CEP89: variants seen among roughly 807,000 people sequenced by gnomAD.
CEP89 encodes centrosomal protein of 89 kDa.
A neutral mutation model predicts 97.6 loss-of-function variants in CEP89; 95 were observed. The ratio of observed to expected loss-of-function variants is 0.97; its 90% confidence interval spans 0.82 to 1.15. The LOEUF (loss-of-function observed/expected upper bound fraction) is 1.15, where lower values mean the gene tolerates loss of function less well. Ranked by LOEUF, CEP89 falls within the 50% of genes most tolerant of loss-of-function variation. CEP89 has a pLI of 0.00. For missense variants in CEP89, 869 were observed against 947.7 expected, an observed-to-expected ratio of 0.92 and a Z score of 1.09; for synonymous variants, 354 against 349.1, an observed-to-expected ratio of 1.01 and a Z score of -0.16.
intron 16 of CEP89, among the ~76,000 whole-genome samples, chr19:32,891,195 C>A (rs1009339510): frequency 2.0e-5 from 3 of 152,238 alleles, no homozygotes; most frequent in East Asian, 1.9e-4. Flanking sequence ...CAGAGCCCTG[C>A]GCACGTGCAT....
chr19:32,940,023 C>CA (rs1409479148), intron 5 of CEP89, 138 bp from the exon 6 acceptor site: 1 of 510,470 alleles, frequency 2.0e-6, no homozygotes, highest in African/African-American at 2.0e-5. Context: ...TTCACAGGGT[C>CA]ACAGGGCAAG....
rs148507701 is a variant in CEP89 at position 32,971,372 on chromosome 19, C to T, written c.39+464G>A. On this transcript the variant is annotated intron_variant, in intron 1 of 18. Coordinates refer to ENST00000305768, the MANE Select transcript of CEP89 (RefSeq NM_032816.5). ...CAGGGTGCTCCTGTCCAACTGTGGC[C>T]GACCCTGGGGCAGAAGATTGTTAAC... 486 of 425,644 alleles carry T rather than the reference C, an allele frequency of 1.1e-3. 2 individuals carry two copies. Among genetic ancestry groups the T allele is most frequent in the African/African-American group, 9.2e-3 (454 of 49,388 alleles). 26.4% of individuals were successfully genotyped at this position (425,644 alleles called of 1,614,324 possible).
At chr19:32,888,881 C>T (rs1969455612) in intron 16 of CEP89, among the ~76,000 whole-genome samples, 1 of 151,942 alleles carries the variant, frequency 6.6e-6, no homozygotes, top group South Asian at 2.1e-4. Context: ...GCGATCTCAG[C>T]TCACTGCAAC....
rs954105744 is a variant in CEP89 at position 32,876,899 on chromosome 19, C to G, written c.*2263G>C. ...CATAAGAACAAAAGTGGACACTTCT[C>G]AAAAGAATAAAATGTTTGCATAAAA... is the stretch of plus-strand genomic sequence containing the variant. On this transcript the variant is annotated 3_prime_UTR_variant, in exon 19 of 19. Transcript: ENST00000305768. The G allele has an allele frequency of 1.3e-5, 2 of 152,234 alleles. No individual in the cohort carries two copies. Among genetic ancestry groups the G allele is most frequent in the African/African-American group, 4.8e-5 (2 of 41,464 alleles). 9.4% of individuals were successfully genotyped at this position (152,234 alleles called of 1,614,324 possible). A position where few individuals can be genotyped will look rare whatever the true frequency, so the allele number is the denominator to read the frequency against.
chr19:32,937,213 T>C (rs1252107834), intron 7 of CEP89: 1 of 225,056 alleles, frequency 4.4e-6, no homozygotes, highest in Non-Finnish European at 8.7e-6. Context: ...TCTAGACCTC[T>C]CCCTCTGCCT....
chr19:32,879,244 A>T lies in CEP89; in HGVS notation c.2270T>A (p.Leu757His), dbSNP rs1438114172. Residue 757 changes from leucine to histidine, a missense_variant, in exon 19 of 19, where the codon CTC (leucine) becomes CAC (histidine). Leu to His is a moderately conservative substitution (Grantham distance 99). Transcript: ENST00000305768. ...DNPRALVAPS[L>H]NGVSQADLLD... is the part of the protein sequence containing the mutation. Reference sequence around the variant, plus strand: ...CAGGTCTGCCTGAGAGACGCCATTGAGGCTGGGGGCAACCAGAGCTCTGGG... The same window carrying T: ...CAGGTCTGCCTGAGAGACGCCATTGTGGCTGGGGGCAACCAGAGCTCTGGG... The T allele has an allele frequency of 6.2e-7, 1 of 1,614,172 alleles. No homozygotes were observed. The highest frequency in any genetic ancestry group is 8.5e-7 in the Non-Finnish European group (1 of 1,180,018).
chr19:32,892,923 A>G (rs922347123), intron 16 of CEP89, among the ~76,000 whole-genome samples: 1 of 152,172 alleles, frequency 6.6e-6, no homozygotes, highest in Non-Finnish European at 1.5e-5. Context: ...AATGAGGAAG[A>G]GAAGGAACTC....
chr19:32,891,825 AAGAG>A (rs959546951), intron 16 of CEP89, among the ~76,000 whole-genome samples: 7 of 151,296 alleles, frequency 4.6e-5, no homozygotes, highest in African/African-American at 7.3e-5. Context: ...GAGAGAGAGA[AAGAG>A]AGAGAGAAAC....
intron 2 of CEP89, 42 bp from the exon 3 acceptor site, chr19:32,960,100 A>AT (rs750316823): frequency 6.2e-7 from 1 of 1,608,184 alleles, no homozygotes; most frequent in South Asian, 1.1e-5. Flanking sequence ...AGACATGAAC[A>AT]TTCCAGGTGA....
intron 5 of CEP89, 23 bp from the exon 6 acceptor site, chr19:32,939,908 G>C (rs776441044): frequency 3.4e-6 from 4 of 1,180,666 alleles, no homozygotes; most frequent in Non-Finnish European, 4.9e-6. Context: ...AAGAGAGAGA[G>C]ATAAACTTTT....
At chr19:32,966,013 G>A (rs1009771547) in intron 2 of CEP89, 20 of 159,524 alleles carry the variant, frequency 1.3e-4, no homozygotes, top group African/African-American at 3.4e-4. Context: ...ACAAGACTCC[G>A]TTTCGAAGGA....
chr19:32,880,841 G>C (rs984817519), intron 18 of CEP89, among the ~76,000 whole-genome samples: 2 of 152,244 alleles, frequency 1.3e-5, no homozygotes, highest in Middle Eastern at 3.4e-3. Flanking sequence ...GCCAAACCCT[G>C]GATGTTTGTA....
chr19:32,909,824 C>G (rs1969961479), intron 14 of CEP89, among the ~76,000 whole-genome samples: 1 of 152,064 alleles, frequency 6.6e-6, no homozygotes. Context: ...CGAGAGACAC[C>G]AGAAAGGAAG....
At chr19:32,910,009 C>T (rs1034895993) in intron 14 of CEP89, among the ~76,000 whole-genome samples, 10 of 152,150 alleles carry the variant, frequency 6.6e-5, no homozygotes, top group African/African-American at 2.2e-4. Context: ...GCCTGTAATC[C>T]CAGCACTTTG....
At chr19:32,888,385 T>G (rs1335936563) in intron 16 of CEP89, among the ~76,000 whole-genome samples, 2 of 152,172 alleles carry the variant, frequency 1.3e-5, no homozygotes, top group Non-Finnish European at 2.9e-5. Flanking sequence ...CTATTTCAGA[T>G]GCTAAAATAA....
At chr19:32,955,428 T>C (rs2145962263) in intron 3 of CEP89, among the ~76,000 whole-genome samples, 1 of 152,370 alleles carries the variant, frequency 6.6e-6, no homozygotes, top group African/African-American at 2.4e-5. Flanking sequence ...TAGATAACCC[T>C]GTAATAAACA....
At chr19:32,940,802 C>T (rs1166946419) in intron 5 of CEP89, among the ~76,000 whole-genome samples, 1 of 151,820 alleles carries the variant, frequency 6.6e-6, no homozygotes, top group Non-Finnish European at 1.5e-5. Flanking sequence ...CACTCTGTCC[C>T]TCAGGTGGAG....
chr19:32,963,776 T>TG (rs1377870555), intron 2 of CEP89: 9 of 152,176 alleles, frequency 5.9e-5, no homozygotes, highest in Non-Finnish European at 1.2e-4. Context: ...GTAATGAAGA[T>TG]GAAGATTGAT....
In CEP89 at chr19:32,923,682, C is replaced by T. The variant is rs569058195; in HGVS notation, c.1165-140G>A. On this transcript the variant is annotated intron_variant, in intron 11 of 18. Transcript: ENST00000305768. ...TCACAACAGGCCAGCCTTCAACTCTCGGTACCAGCACCAGTGGTGCCTGCT... is the reference window on the plus strand; with the variant it reads ...TCACAACAGGCCAGCCTTCAACTCTTGGTACCAGCACCAGTGGTGCCTGCT... 1.6e-3 allele frequency: 1,025 copies of T among 622,878 alleles called. 5 individuals are homozygous for T. Among genetic ancestry groups the T allele is most frequent in the Non-Finnish European group, 1.2e-3 (430 of 349,240 alleles). 38.6% of individuals were successfully genotyped at this position (622,878 alleles called of 1,614,324 possible). A position where few individuals can be genotyped will look rare whatever the true frequency, so the allele number is the denominator to read the frequency against.
Sources: allele counts gnomAD v4.1 joint callset (sites outside exome capture counted in the v4.1 genomes callset), GRCh38; gene constraint gnomAD v4.1.1; transcripts MANE v1.5; gene names NCBI Gene and HGNC (gene_info 2026-07-23, HGNC 2026-07-21).